The following ZFHX4 variants were observed in gnomAD, a reference collection of about 807,000 sequenced individuals.
ZFHX4 encodes zinc finger homeobox protein 4.
In ZFHX4, 56 loss-of-function variants were observed where a neutral mutation model predicts 267.6. The observed-to-expected ratio is 0.21, with a 90% CI of 0.17 to 0.26. The LOEUF (loss-of-function observed/expected upper bound fraction) is 0.26. Ranked by LOEUF, ZFHX4 falls within the 10% of genes least tolerant of loss-of-function variation. The pLI is 1.00. For synonymous variants in ZFHX4, 1,778 were observed against 1,665.6 expected (o/e 1.07, Z -1.64); for missense variants, 4,332 against 4,420.0 (o/e 0.98, Z 0.56).
intron 10 of ZFHX4, among the ~76,000 whole-genome samples, chr8:76,857,494 T>A (rs1812764835): frequency 6.6e-6 from 1 of 152,012 alleles, no homozygotes; most frequent in Admixed American, 6.6e-5. Context: ...AAATTGCCAC[T>A]GTGATCTTAA....
chr8:76,713,298 T>C (rs547657465), intron 3 of ZFHX4, among the ~76,000 whole-genome samples: 4 of 152,036 alleles, frequency 2.6e-5, no homozygotes, highest in Admixed American at 2.0e-4. Flanking sequence ...GATAGATAGA[T>C]AGATAGATAG....
intron 3 of ZFHX4, among the ~76,000 whole-genome samples, chr8:76,732,080 G>T (rs951461664): frequency 1.3e-5 from 2 of 151,942 alleles, no homozygotes; most frequent in Non-Finnish European, 1.5e-5. Context: ...GACCTCAAGT[G>T]ATCTGCCTGT....
chr8:76,737,421 A>G (rs1160619628), intron 3 of ZFHX4, among the ~76,000 whole-genome samples: 1 of 152,180 alleles, frequency 6.6e-6, no homozygotes, highest in Non-Finnish European at 1.5e-5. Flanking sequence ...ACCTGTATAG[A>G]CTAAGACCAT....
At chr8:76,844,270 G>C (rs941147015) in intron 6 of ZFHX4, among the ~76,000 whole-genome samples, 29 of 152,244 alleles carry the variant, frequency 1.9e-4, no homozygotes, top group Admixed American at 1.2e-3. Flanking sequence ...TCTGTATTCA[G>C]TGGCATCTTT....
Position 76,852,825 on chromosome 8 carries a change from A to G in ZFHX4, c.5904A>G (p.Val1968=). 1.9e-6 allele frequency: 3 copies of G among 1,613,940 alleles called. No individual in the cohort carries two copies. The South Asian group carries it at 3.3e-5, about 18-fold the overall frequency. ...VLILKSHQEH[V]HGQFFPYAAL... is the part of the protein sequence containing the mutation. ...TTTTAAAGAGTCACCAAGAACATGT[A>G]CATGGGCAATTTTTTCCATATGCAG... is the stretch of plus-strand genomic sequence containing the variant. Residue 1968 remains valine, a synonymous_variant, in exon 10 of 11, where the codon GTA becomes GTG. Coordinates refer to ENST00000651372, the MANE Select transcript of ZFHX4 (RefSeq NM_024721.5).
At chr8:76,710,590 G>A (rs151221665) in intron 3 of ZFHX4, among the ~76,000 whole-genome samples, 146 of 152,256 alleles carry the variant, frequency 9.6e-4, no homozygotes, top group Non-Finnish European at 1.8e-3. Context: ...ATTTTCATTA[G>A]GAGTTTAATT....
chr8:76,831,684 A>G (rs1346160427), intron 4 of ZFHX4, among the ~76,000 whole-genome samples: 2 of 152,224 alleles, frequency 1.3e-5, no homozygotes, highest in Non-Finnish European at 2.9e-5. Context: ...AAATTAACAC[A>G]TCATGATAAG....
intron 3 of ZFHX4, among the ~76,000 whole-genome samples, chr8:76,751,600 C>T (rs547612349): frequency 6.6e-6 from 1 of 152,182 alleles, no homozygotes; most frequent in South Asian, 2.1e-4. Context: ...TCACTTTTAC[C>T]AGAATTTTTA....
chr8:76,717,958 C>T (rs1453047665), intron 3 of ZFHX4, among the ~76,000 whole-genome samples: 1 of 152,184 alleles, frequency 6.6e-6, no homozygotes, highest in Non-Finnish European at 1.5e-5. Context: ...ATATTTCTAA[C>T]TATTCGTTTG....
chr8:76,849,033 G>C lies in ZFHX4; in HGVS notation c.3550G>C (p.Ala1184Pro), dbSNP rs200099866. 1,519 of 1,560,246 alleles carry C rather than the reference G, an allele frequency of 9.7e-4. 13 individuals are homozygous for C. The Middle Eastern group carries it at 0.024, about 25-fold the overall frequency. The change falls in exon 7 of 11, where the codon GCA becomes CCA. Residue 1184 changes from alanine to proline, a missense_variant. This residue lies in a region of ZFHX4 where 1,371 missense variants were observed against 1,423.1 expected (regional missense o/e 0.96). Transcript: ENST00000651372. ...TPEKELKVSV[A>P]GGTQPLLLAK... ...AGAGAAGGAACTAAAAGTTAGTGTG[G>C]CAGGGGGTACCCAGCCACTCCTGCT... is the stretch of plus-strand genomic sequence containing the variant.
At chr8:76,768,017 G>A (rs569135608) in intron 3 of ZFHX4, among the ~76,000 whole-genome samples, 4 of 152,296 alleles carry the variant, frequency 2.6e-5, no homozygotes, top group Admixed American at 2.0e-4. Flanking sequence ...GATACCTCTG[G>A]TTGTAACAAT....
chr8:76,726,811 TA>T (rs1808865949), intron 3 of ZFHX4, among the ~76,000 whole-genome samples: 1 of 152,150 alleles, frequency 6.6e-6, no homozygotes, highest in Admixed American at 6.6e-5. Flanking sequence ...GATTACCTTA[TA>T]AAAACTCTCA....
In ZFHX4 at chr8:76,802,983, C is replaced by A. The variant is rs373241373; in HGVS notation, c.3325+24544C>A. On this transcript the variant is annotated intron_variant, in intron 4 of 10. Coordinates refer to ENST00000651372, the MANE Select transcript of ZFHX4 (RefSeq NM_024721.5). Reference sequence around the variant, plus strand: ...ACTTATTTAGACTTGAAGTCCTAGACCACAGAGCAAGGCCAAAGAAGTCTT... The same window carrying A: ...ACTTATTTAGACTTGAAGTCCTAGAACACAGAGCAAGGCCAAAGAAGTCTT... 1.1e-4 allele frequency among the ~76,000 whole-genome samples: 17 copies of A among 152,188 alleles called. No individual in the cohort carries two copies. The East Asian group carries it at 1.9e-3, about 17-fold the overall frequency.
Position 76,853,280 on chromosome 8 carries a change from A to T in ZFHX4, c.6359A>T (p.Asp2120Val), listed in dbSNP as rs774267934. Reference protein sequence around the residue: ...TQLCQQQLGLDPNFLRHSQFK... With the variant: ...TQLCQQQLGLVPNFLRHSQFK... ...CTTTGCCAGCAGCAGCTCGGATTAGATCCCAACTTCTTAAGACATTCTCAG... is the reference window on the plus strand; with the variant it reads ...CTTTGCCAGCAGCAGCTCGGATTAGTTCCCAACTTCTTAAGACATTCTCAG... The change falls in exon 10 of 11, where the codon GAT becomes GTT. Residue 2120 changes from aspartate (D) to valine (V), a missense_variant. Physicochemically the swap from Asp to Val is radical, Grantham distance 152. Coordinates refer to ENST00000651372, the MANE Select transcript of ZFHX4 (RefSeq NM_024721.5). 2 of 1,605,050 alleles carry T rather than the reference A, an allele frequency of 1.2e-6. No homozygotes were observed. Among genetic ancestry groups the T allele is most frequent in the South Asian group, 1.1e-5 (1 of 89,652 alleles).
At chr8:76,766,313 T>G (rs2131740183) in intron 3 of ZFHX4, among the ~76,000 whole-genome samples, 1 of 152,282 alleles carries the variant, frequency 6.6e-6, no homozygotes, top group East Asian at 1.9e-4. Context: ...TTTAATATGA[T>G]TTGCTGGTAG....
At chr8:76,791,772 C>A (rs1007311458) in intron 4 of ZFHX4, among the ~76,000 whole-genome samples, 2 of 152,066 alleles carry the variant, frequency 1.3e-5, no homozygotes, top group African/African-American at 2.4e-5. Flanking sequence ...TTATCTGTAA[C>A]TTTTAAAATT....
chr8:76,815,485 G>A (rs1161419700), intron 4 of ZFHX4, among the ~76,000 whole-genome samples: 2 of 151,936 alleles, frequency 1.3e-5, no homozygotes, highest in African/African-American at 4.8e-5. Flanking sequence ...CTATCACTCT[G>A]CATTTTATTT....
At position 76,704,833 on chromosome 8, in the gene ZFHX4, A is replaced by G; in HGVS notation, c.745A>G (p.Asn249Asp). 6.2e-7 allele frequency: 1 copy of G among 1,614,166 alleles called. No homozygotes were observed. Among genetic ancestry groups the G allele is most frequent in the Non-Finnish European group, 8.5e-7 (1 of 1,180,018 alleles). Residue 249 changes from asparagine (N) to aspartate (D), a missense_variant, in exon 2 of 11, where the codon AAC becomes GAC. Asn to Asp is a conservative substitution (Grantham distance 23). This residue lies in a region of ZFHX4 where 1,195 missense variants were observed against 1,173.6 expected (regional missense o/e 1.02). Coordinates refer to ENST00000651372, the MANE Select transcript of ZFHX4 (RefSeq NM_024721.5). ...DYLTSDGSAKNSCVSKDVPNN... is the reference protein window; with the variant it reads ...DYLTSDGSAKDSCVSKDVPNN... The stretch of plus-strand genomic sequence containing the variant: ...TCTAACCAGTGATGGCTCAGCCAAA[A>G]ACTCCTGTGTGTCCAAAGATGTCCC...
At chr8:76,801,925 A>G (rs941165473) in intron 4 of ZFHX4, among the ~76,000 whole-genome samples, 1 of 152,152 alleles carries the variant, frequency 6.6e-6, no homozygotes, top group African/African-American at 2.4e-5. Flanking sequence ...GCAGGTTAAT[A>G]GAGATTGAGG....
Sources: gnomAD v4.1 joint callset for allele counts (sites outside exome capture counted in the v4.1 genomes callset) on GRCh38, gnomAD v4.1.1 for gene constraint, gnomAD v4.1.1 regional missense constraint, MANE v1.5 for transcripts, NCBI Gene and HGNC (gene_info 2026-07-23, HGNC 2026-07-21) for gene names.